The following PDE4B variants were observed in gnomAD, a reference collection of about 807,000 sequenced individuals.
PDE4B encodes 3',5'-cyclic-AMP phosphodiesterase 4B.
PDE4B carries 20 observed loss-of-function variants against 82.2 expected under a neutral mutation model. The ratio of observed to expected loss-of-function variants is 0.24; its 90% CI spans 0.17 to 0.35. The LOEUF (loss-of-function observed/expected upper bound fraction) is 0.35. PDE4B is among the 10% of genes least tolerant of loss of function. PDE4B has a pLI of 1.00. For missense variants in PDE4B, 655 were observed against 907.2 expected (o/e 0.72, Z 3.57); for synonymous variants, 320 against 318.9 (o/e 1.00, Z -0.04).
At chr1:66,212,411 T>C (rs768145736) in intron 3 of PDE4B, among the ~76,000 whole-genome samples, 9 of 152,130 alleles carry the variant, frequency 5.9e-5, no homozygotes, top group Non-Finnish European at 1.2e-4. Flanking sequence ...GTCTGAAATG[T>C]CCCTCATCCC....
intron 3 of PDE4B, among the ~76,000 whole-genome samples, chr1:66,219,461 C>A (rs10889605): frequency 0.49 from 74,104 of 150,618 alleles, 19,181 homozygotes; most frequent in South Asian, 0.63. Context: ...TGAAGATGTG[C>A]TATCTGTTTC....
intron 3 of PDE4B, among the ~76,000 whole-genome samples, chr1:66,135,071 C>T (rs1000570194): frequency 6.6e-6 from 1 of 152,160 alleles, no homozygotes; most frequent in Admixed American, 6.5e-5. Context: ...ATGAGAAAGA[C>T]ATGCCAAGGT....
At chr1:66,019,037 C>G (rs546742717) in intron 3 of PDE4B, among the ~76,000 whole-genome samples, 2 of 152,164 alleles carry the variant, frequency 1.3e-5, no homozygotes, top group African/African-American at 4.8e-5. Context: ...TCTTACTTAC[C>G]GTTTTCACAT....
chr1:66,064,493 A>G (rs1655740560), intron 3 of PDE4B, among the ~76,000 whole-genome samples: 1 of 152,002 alleles, frequency 6.6e-6, no homozygotes, highest in African/African-American at 2.4e-5. Flanking sequence ...AGAGGGATAC[A>G]GAATAAGTAG....
chr1:66,313,696 A>G, intron 7 of PDE4B, among the ~76,000 whole-genome samples: 1 of 152,198 alleles, frequency 6.6e-6, no homozygotes, highest in Non-Finnish European at 1.5e-5. Context: ...GGCAACTGGG[A>G]ACTGAGGAAA....
At chr1:66,321,610 C>G (rs1659407938) in intron 7 of PDE4B, among the ~76,000 whole-genome samples, 4 of 151,906 alleles carry the variant, frequency 2.6e-5, no homozygotes, top group Admixed American at 2.0e-4. Context: ...CAAGATGGCC[C>G]CTTGTTTATG....
intron 3 of PDE4B, among the ~76,000 whole-genome samples, chr1:66,179,113 A>C (rs1021244497): frequency 1.3e-5 from 2 of 152,146 alleles, no homozygotes; most frequent in African/African-American, 4.8e-5. Flanking sequence ...CGGCCTCCCA[A>C]AGTGCTGGAT....
intron 3 of PDE4B, among the ~76,000 whole-genome samples, chr1:65,929,741 A>G (rs1323921476): frequency 6.6e-6 from 1 of 152,180 alleles, no homozygotes; most frequent in Non-Finnish European, 1.5e-5. Flanking sequence ...TTATGTATAG[A>G]GTCACTAAAC....
chr1:66,345,873 A>G (rs1175980405), intron 8 of PDE4B, among the ~76,000 whole-genome samples: 2 of 152,238 alleles, frequency 1.3e-5, no homozygotes, highest in Non-Finnish European at 2.9e-5. Flanking sequence ...CCAGAGTCAG[A>G]TAACAAAGAA....
At chr1:66,357,393 C>T (rs1264430873) in intron 9 of PDE4B, among the ~76,000 whole-genome samples, 4 of 152,078 alleles carry the variant, frequency 2.6e-5, no homozygotes, top group Non-Finnish European at 4.4e-5. Context: ...AAAGATGATT[C>T]ATTCCTCAGA....
chr1:66,254,223 A>G (rs1432413762), intron 4 of PDE4B, among the ~76,000 whole-genome samples: 1 of 152,164 alleles, frequency 6.6e-6, no homozygotes, highest in South Asian at 2.1e-4. Flanking sequence ...ACTAGCCTAA[A>G]AAAAAAGAAA....
rs1368582747 is a variant in PDE4B, at chr1:66,290,696, C to T, written c.634+24609C>T. 3.9e-5 allele frequency among the ~76,000 whole-genome samples: 6 copies of T among 152,146 alleles called. No individual in the cohort carries two copies. The South Asian group carries it at 6.2e-4, about 16-fold the overall frequency. On this transcript the variant is annotated intron_variant, in intron 7 of 16. Transcript: ENST00000341517. The stretch of plus-strand genomic sequence containing the variant: ...TGGAAGCAGGGATAATTTCCAATGC[C>T]AGGAGTAATAATCAAGTACACTATT...
At position 66,361,674 on chromosome 1, in the gene PDE4B, AAGC is replaced by A; in HGVS notation, c.908_910del (p.Gln303del). Reference sequence around the variant, plus strand: ...CCAGAAAGACAGGGAGAAAAAGAAAAAGCAGCAGCTCATGACCCAGATAAGTGG... The same window carrying A: ...CCAGAAAGACAGGGAGAAAAAGAAAAAGCAGCTCATGACCCAGATAAGTGG... On this transcript the variant is annotated inframe_deletion, in exon 10 of 17. Transcript: ENST00000341517. The A allele has an allele frequency of 1.2e-6, 2 of 1,613,680 alleles. No individual in the cohort carries two copies.
chr1:66,251,043 G>A (rs989953496), intron 4 of PDE4B, among the ~76,000 whole-genome samples: 7 of 152,148 alleles, frequency 4.6e-5, no homozygotes, highest in Non-Finnish European at 1.0e-4. Context: ...TGATGGACTA[G>A]CAAAAAGTGC....
intron 7 of PDE4B, among the ~76,000 whole-genome samples, chr1:66,314,485 T>C (rs1045192660): frequency 6.6e-6 from 1 of 152,212 alleles, no homozygotes; most frequent in Non-Finnish European, 1.5e-5. Context: ...TGATCTCGGC[T>C]CACTGCAACC....
At chr1:65,840,393 G>A (rs1263202528) in intron 1 of PDE4B, among the ~76,000 whole-genome samples, 1 of 151,934 alleles carries the variant, frequency 6.6e-6, no homozygotes, top group Non-Finnish European at 1.5e-5. Flanking sequence ...TACCAAATTG[G>A]ATTTAAAAAG....
intron 3 of PDE4B, among the ~76,000 whole-genome samples, chr1:65,941,920 TCAG>T (rs1394084311): frequency 6.6e-6 from 1 of 152,080 alleles, no homozygotes; most frequent in African/African-American, 2.4e-5. Flanking sequence ...TTCTCTGGCA[TCAG>T]CCTTTTCAAA....
intron 3 of PDE4B, among the ~76,000 whole-genome samples, chr1:66,031,930 C>A (rs1653799482): frequency 6.6e-6 from 1 of 152,148 alleles, no homozygotes; most frequent in Non-Finnish European, 1.5e-5. Context: ...TCTCCGGTGA[C>A]CCCAGAGGTA....
At chr1:66,371,616 A>G (rs2050786523) in intron 16 of PDE4B, among the ~76,000 whole-genome samples, 1 of 152,118 alleles carries the variant, frequency 6.6e-6, no homozygotes, top group African/African-American at 2.4e-5. Flanking sequence ...GTAGATCCAA[A>G]ACAATTGCAT....
Sources: allele counts gnomAD v4.1 joint callset (sites outside exome capture counted in the v4.1 genomes callset), GRCh38; gene constraint gnomAD v4.1.1; transcripts MANE v1.5; gene names NCBI Gene and HGNC (gene_info 2026-07-23, HGNC 2026-07-21).